Variants in NT5DC3 observed in about 807,000 individuals in gnomAD.
NT5DC3 encodes 5'-nucleotidase domain containing 3.
In NT5DC3, 42 loss-of-function variants were observed where a neutral mutation model predicts 67.8. The observed-to-expected ratio is 0.62, with a 90% CI of 0.48 to 0.80. NT5DC3 has a LOEUF of 0.80. Ranked by LOEUF, NT5DC3 falls within the 30% of genes least tolerant of loss-of-function variation. NT5DC3 has a pLI of 0.00. For synonymous variants in NT5DC3, 237 were observed against 255.6 expected (o/e 0.93, Z 0.69); for missense variants, 570 against 696.4 (o/e 0.82, Z 2.04).
chr12:103,814,007 G>A (rs1046567014), intron 2 of NT5DC3, among the ~76,000 whole-genome samples: 1 of 152,166 alleles, frequency 6.6e-6, no homozygotes, highest in African/African-American at 2.4e-5. Flanking sequence ...CTAAGGCAGA[G>A]AAAGTTGTTC....
chr12:103,814,461 G>A (rs1365177672), intron 2 of NT5DC3, among the ~76,000 whole-genome samples: 1 of 151,968 alleles, frequency 6.6e-6, no homozygotes, highest in Non-Finnish European at 1.5e-5. Context: ...AAAATGATAG[G>A]GTTGCATATT....
Position 103,840,934 on chromosome 12 carries a change from C to T in NT5DC3, c.208+15G>A. 1 of 1,346,352 alleles carries T rather than the reference C, an allele frequency of 7.4e-7. No homozygotes were observed. The highest frequency in any genetic ancestry group is 9.6e-7 in the Non-Finnish European group (1 of 1,038,570). The allele number at this position is 1,346,352 out of a possible 1,614,324, so 83.4% of individuals were successfully genotyped here. On this transcript the variant is annotated intron_variant, in intron 1 of 13. Transcript: ENST00000392876. ...GGGGCCCCAGGCGCCGGGGCGGGGT[C>T]GCCGCCTCACTCACCTTCTGTGCTT...
the NT5DC3 span, chr12:103,753,145 C>T: frequency 6.3e-7 from 1 of 1,576,120 alleles, no homozygotes; most frequent in African/African-American, 1.3e-5. Flanking sequence ...TTTTGAAAGT[C>T]CTTCAGAGTC....
chr12:103,803,257 A>G (rs79200640), intron 4 of NT5DC3, among the ~76,000 whole-genome samples: 6,066 of 152,252 alleles, frequency 0.04, 264 homozygotes, highest in East Asian at 0.17. Context: ...TAAAAATTGT[A>G]ATATGTTAAA....
chr12:103,821,186 G>T (rs775449729), intron 1 of NT5DC3, among the ~76,000 whole-genome samples: 5 of 152,250 alleles, frequency 3.3e-5, no homozygotes, highest in African/African-American at 9.6e-5. Context: ...CTGCAGAGTT[G>T]TGGGGGTCCC....
chr12:103,746,379 G>T, the NT5DC3 span: 1 of 437,724 alleles, frequency 2.3e-6, no homozygotes, highest in Non-Finnish European at 4.2e-6. Flanking sequence ...AAATCTCAAT[G>T]ACATTGCAGA....
At chr12:103,816,290 A>T (rs1550207) in intron 1 of NT5DC3, among the ~76,000 whole-genome samples, 15,512 of 152,318 alleles carry the variant, frequency 0.1, 1,143 homozygotes, top group East Asian at 0.31. Flanking sequence ...AAAATGCTCC[A>T]ATGAGTGATT....
intron 2 of NT5DC3, among the ~76,000 whole-genome samples, chr12:103,811,237 T>C (rs1397477099): frequency 6.7e-6 from 1 of 149,686 alleles, no homozygotes; most frequent in African/African-American, 2.5e-5. Flanking sequence ...TTGGAGTGTA[T>C]GTTCTAAAAG....
intron 9 of NT5DC3, among the ~76,000 whole-genome samples, chr12:103,789,398 T>C (rs1268059611): frequency 6.6e-6 from 1 of 151,754 alleles, no homozygotes; most frequent in African/African-American, 2.4e-5. Context: ...CACTTCAGCC[T>C]GGGCAACAAG....
chr12:103,780,285 A>T lies in NT5DC3; in HGVS notation c.1394+15T>A, dbSNP rs766562782. ...AGGGTGGTGGACGCGCACATTCAAT[A>T]CAGGCCTCTCTTACCGCATCTCCTT... On this transcript the variant is annotated intron_variant, in intron 13 of 13. Transcript: ENST00000392876. 19 of 1,610,302 alleles carry T rather than the reference A, an allele frequency of 1.2e-5. No homozygotes were observed. The highest frequency in any genetic ancestry group is 7.7e-5 in the South Asian group (7 of 90,998).
In NT5DC3 at chr12:103,835,535, T is replaced by C. The variant is rs1888110069; in HGVS notation, c.208+5414A>G. ...TTGCTCAAGGACACAAAGCTAGTTA[T>C]GGCACCGCCCTAATCACAAGGAGAC... On this transcript the variant is annotated intron_variant, in intron 1 of 13. Coordinates refer to ENST00000392876, the MANE Select transcript of NT5DC3 (RefSeq NM_001031701.3). Among the ~76,000 whole-genome samples, 3 of 152,226 alleles carry C rather than the reference T, an allele frequency of 2.0e-5. No individual in the cohort carries two copies. The South Asian group carries it at 6.2e-4, about 32-fold the overall frequency.
intron 12 of NT5DC3, among the ~76,000 whole-genome samples, chr12:103,784,455 A>C (rs1404815126): frequency 6.6e-6 from 1 of 152,160 alleles, no homozygotes; most frequent in African/African-American, 2.4e-5. Context: ...AGCCACTCCC[A>C]AGCAGAGTGC....
At chr12:103,808,771 G>A (rs1886907778) in intron 2 of NT5DC3, among the ~76,000 whole-genome samples, 2 of 152,294 alleles carry the variant, frequency 1.3e-5, no homozygotes, top group South Asian at 4.1e-4. Flanking sequence ...GGGGCCAAGG[G>A]ACTTCAGCAG....
Position 103,840,421 on chromosome 12 carries a change from A to ATCTCATCTCATCTCC in NT5DC3, c.208+527_208+528insGGAGATGAGATGAGA, listed in dbSNP as rs534475248. Among the ~76,000 whole-genome samples the ATCTCATCTCATCTCC allele has an allele frequency of 2.2e-3, 311 of 143,038 alleles. 1 individual carries two copies. The highest frequency in any genetic ancestry group is 0.018 in the South Asian group (80 of 4,510). 93.8% of individuals were successfully genotyped at this position (143,038 alleles called of 152,430 possible). A position where few individuals can be genotyped will look rare whatever the true frequency, so the allele number is the denominator to read the frequency against. On this transcript the variant is annotated intron_variant, in intron 1 of 13. Coordinates refer to ENST00000392876, the MANE Select transcript of NT5DC3 (RefSeq NM_001031701.3). ...ATCTCATCTCATCTCATCTCATCTCATTCCATCCCATTCCATCCCATCCCA... is the reference window on the plus strand; with the variant it reads ...ATCTCATCTCATCTCATCTCATCTCATCTCATCTCATCTCCTTCCATCCCATTCCATCCCATCCCA...
intron 8 of NT5DC3, 37 bp downstream of exon 8, chr12:103,793,373 G>A (rs764209225): frequency 6.4e-7 from 1 of 1,568,300 alleles, no homozygotes; most frequent in South Asian, 1.1e-5. Context: ...TACAAGGAGT[G>A]TGCCAGAAGC....
At chr12:103,809,823 G>A (rs1008421956) in intron 2 of NT5DC3, among the ~76,000 whole-genome samples, 1 of 152,224 alleles carries the variant, frequency 6.6e-6, no homozygotes, top group Non-Finnish European at 1.5e-5. Flanking sequence ...ACTGACAGAC[G>A]CAGCTGGAAA....
chr12:103,780,528 A>G (rs888594014), intron 12 of NT5DC3, among the ~76,000 whole-genome samples, 164 bp from the exon 13 acceptor site: 1 of 152,238 alleles, frequency 6.6e-6, no homozygotes, highest in Non-Finnish European at 1.5e-5. Context: ...CTTCCAGTTG[A>G]AACCCTGCCT....
intron 9 of NT5DC3, among the ~76,000 whole-genome samples, chr12:103,792,520 A>G (rs940853340): frequency 6.6e-6 from 1 of 152,202 alleles, no homozygotes; most frequent in African/African-American, 2.4e-5. Context: ...ACACTGTGGG[A>G]ATTTGTGGAG....
chr12:103,750,213 TAG>T, the NT5DC3 span, among the ~76,000 whole-genome samples: 1 of 152,038 alleles, frequency 6.6e-6, no homozygotes, highest in Non-Finnish European at 1.5e-5. Flanking sequence ...TGTGCACAAG[TAG>T]AGAGAGGGGG....
Sources: gnomAD v4.1 joint callset for allele counts (sites outside exome capture counted in the v4.1 genomes callset) on GRCh38, gnomAD v4.1.1 for gene constraint, MANE v1.5 for transcripts, NCBI Gene and HGNC (gene_info 2026-07-23, HGNC 2026-07-21) for gene names.